PLXNA4: variants seen among roughly 807,000 people sequenced by gnomAD.
PLXNA4 encodes the protein plexin A4.
Under a neutral mutation model 191.8 loss-of-function variants are expected in PLXNA4, and 44 were observed. The ratio of observed to expected loss-of-function variants is 0.23; its 90% CI spans 0.18 to 0.29. The LOEUF (loss-of-function observed/expected upper bound fraction) is 0.29, where lower values mean the gene tolerates loss of function less well. PLXNA4 is among the 10% of genes least tolerant of loss of function. The pLI, the probability that PLXNA4 is intolerant of heterozygous loss-of-function variation, is 1.00. For missense variants in PLXNA4, 1,800 were observed against 2,488.8 expected (o/e 0.72, Z 5.89); for synonymous variants, 1,082 against 1,009.5 (o/e 1.07, Z -1.36).
At chr7:132,398,063 A>G (rs1426498246) in intron 3 of PLXNA4, among the ~76,000 whole-genome samples, 4 of 152,118 alleles carry the variant, frequency 2.6e-5, no homozygotes, top group African/African-American at 7.2e-5. Flanking sequence ...GTAGAAAGCA[A>G]AGGCACCAAA....
chr7:132,626,918 TC>T (rs1803388297), intron 2 of PLXNA4, among the ~76,000 whole-genome samples: 1 of 152,172 alleles, frequency 6.6e-6, no homozygotes, highest in African/African-American at 2.4e-5. Context: ...TCTGTCCGTT[TC>T]CTTTCACAGA....
At chr7:132,261,199 C>T (rs1391464980) in intron 4 of PLXNA4, among the ~76,000 whole-genome samples, 1 of 152,208 alleles carries the variant, frequency 6.6e-6, no homozygotes, top group Non-Finnish European at 1.5e-5. Context: ...AGAACTGCCA[C>T]CAGTACTGGG....
rs1028136001 is a variant in PLXNA4 at position 132,146,527 on chromosome 7, G to A, written c.5038C>T (p.Arg1680Ter). 1.2e-6 allele frequency: 2 copies of A among 1,614,086 alleles called. No individual in the cohort carries two copies. The highest frequency in any genetic ancestry group is 2.2e-5 in the East Asian group (1 of 44,870). The change falls in exon 28 of 32, where the codon CGA becomes TGA. Residue 1680 changes from arginine (R) to a stop codon, truncating the protein, a stop_gained. Transcript: ENST00000321063. LOFTEE classifies it high-confidence loss of function. ...TCTGATACCTTAGTGGCCAGGAGTC[G>A]GGTCAGGTAGATTTCAGACACCATC... is the stretch of plus-strand genomic sequence containing the variant. ...SKMVSEIYLTRLLATKGTLQK... is the reference protein window; with the variant it reads ...SKMVSEIYLT
chr7:132,123,742 G>C lies in PLXNA4; in HGVS notation c.*6737C>G, dbSNP rs1225266336. The C allele has an allele frequency of 6.6e-6, 1 of 152,100 alleles. No individual in the cohort carries two copies. Among genetic ancestry groups the C allele is most frequent in the Non-Finnish European group, 1.5e-5 (1 of 68,036 alleles). The allele number at this position is 152,100 out of a possible 1,614,324, so 9.4% of individuals were successfully genotyped here. ...ACAGAAGTGGGATGGGGCTGGAAGG[G>C]GGTGACTGGAACAGAGATAACCTGC... On this transcript the variant is annotated 3_prime_UTR_variant, in exon 32 of 32. Coordinates refer to ENST00000321063, the MANE Select transcript of PLXNA4 (RefSeq NM_020911.2).
chr7:132,642,736 A>G (rs1803767788), intron 2 of PLXNA4, among the ~76,000 whole-genome samples: 2 of 152,200 alleles, frequency 1.3e-5, no homozygotes, highest in South Asian at 4.1e-4. Context: ...TCAACGTTTC[A>G]TCCATAAGGG....
chr7:132,189,003 A>G (rs201853497), intron 14 of PLXNA4, among the ~76,000 whole-genome samples: 441 of 33,002 alleles, frequency 0.013, 10 homozygotes, highest in Non-Finnish European at 0.015. Flanking sequence ...GGAGAGAGAG[A>G]GAGAGAGAGA....
chr7:132,166,550 T>C (rs763459681), intron 22 of PLXNA4, among the ~76,000 whole-genome samples: 4 of 151,658 alleles, frequency 2.6e-5, no homozygotes, highest in Admixed American at 6.6e-5. Flanking sequence ...AAAATGCTAA[T>C]AACTAAAATC....
chr7:132,168,699 A>G, intron 21 of PLXNA4, 127 bp from the exon 22 acceptor site: 2 of 1,338,464 alleles, frequency 1.5e-6, no homozygotes, highest in South Asian at 1.7e-5. Context: ...CCACCTGGCT[A>G]ATGCTGTCAA....
intron 3 of PLXNA4, among the ~76,000 whole-genome samples, chr7:132,434,654 G>A (rs559585142): frequency 5.5e-4 from 84 of 152,258 alleles, no homozygotes; most frequent in African/African-American, 1.8e-3. Context: ...GGGATGAAAC[G>A]TAGTCAGATG....
intron 4 of PLXNA4, among the ~76,000 whole-genome samples, chr7:132,295,199 A>C (rs1434643060): frequency 6.6e-6 from 1 of 152,140 alleles, no homozygotes; most frequent in Non-Finnish European, 1.5e-5. Flanking sequence ...AAAAATTAAG[A>C]GGGGCCTATT....
chr7:132,637,638 G>A (rs1803634345), intron 2 of PLXNA4, among the ~76,000 whole-genome samples: 2 of 152,234 alleles, frequency 1.3e-5, no homozygotes, highest in Admixed American at 1.3e-4. Context: ...ACCCTTGGCA[G>A]CCTTAGCATT....
intron 27 of PLXNA4, 126 bp downstream of exon 27, chr7:132,147,774 A>G (rs1795479003): frequency 1.1e-5 from 14 of 1,295,984 alleles, no homozygotes; most frequent in Non-Finnish European, 1.5e-5. Context: ...CTCTTCCCCG[A>G]TGGTCAGCCT....
chr7:132,611,777 C>G (rs1337478156), intron 2 of PLXNA4, among the ~76,000 whole-genome samples: 1 of 152,220 alleles, frequency 6.6e-6, no homozygotes, highest in Non-Finnish European at 1.5e-5. Flanking sequence ...GACCTTCAGC[C>G]TTCTCTGTGA....
At chr7:132,319,615 T>C (rs1489630513) in intron 3 of PLXNA4, among the ~76,000 whole-genome samples, 2 of 152,260 alleles carry the variant, frequency 1.3e-5, no homozygotes, top group Non-Finnish European at 2.9e-5. Context: ...TCCTCTACCA[T>C]GAAGTTTTGG....
chr7:132,140,584 T>G lies in PLXNA4; in HGVS notation c.5438+15A>C, dbSNP rs1323340791. The G allele has an allele frequency of 6.2e-7, 1 of 1,611,266 alleles. No individual in the cohort carries two copies. The highest frequency in any genetic ancestry group is 8.5e-7 in the Non-Finnish European group (1 of 1,178,788). On this transcript the variant is annotated intron_variant, in intron 30 of 31. Coordinates refer to ENST00000321063, the MANE Select transcript of PLXNA4 (RefSeq NM_020911.2). The stretch of plus-strand genomic sequence containing the variant: ...AGCAAGGGGCCCTGACTTGGCTCCG[T>G]GGCCCAGCACTCACCTCTCCACCCA...
At chr7:132,140,531 A>G (rs975056963) in intron 30 of PLXNA4, 68 bp downstream of exon 30, 3 of 1,578,258 alleles carry the variant, frequency 1.9e-6, no homozygotes, top group Non-Finnish European at 1.7e-6. Flanking sequence ...TGGGGAGGGG[A>G]CCTTTTGTTG....
chr7:132,241,807 G>A (rs1798888951), intron 4 of PLXNA4, among the ~76,000 whole-genome samples: 1 of 135,604 alleles, frequency 7.4e-6, no homozygotes, highest in South Asian at 2.9e-4. Context: ...AAGAGCATCT[G>A]CTGCTATTTC....
chr7:132,379,891 G>C (rs1804817356), intron 3 of PLXNA4, among the ~76,000 whole-genome samples: 1 of 152,134 alleles, frequency 6.6e-6, no homozygotes, highest in South Asian at 2.1e-4. Context: ...TTGCAGTAGG[G>C]ACCAGTTATT....
At chr7:132,151,589 A>AGAAAGGAGGAGGAGGAGG in intron 25 of PLXNA4, among the ~76,000 whole-genome samples, 1 of 33,538 alleles carries the variant, frequency 3.0e-5, no homozygotes, top group African/African-American at 6.5e-5. Context: ...GGAGGAGGAG[A>AGAAAGGAGGAGGAGGAGG]AAGGAGGAGA....
Sources: gnomAD v4.1 joint callset for allele counts (sites outside exome capture counted in the v4.1 genomes callset) on GRCh38, gnomAD v4.1.1 for gene constraint, MANE v1.5 for transcripts, NCBI Gene and HGNC (gene_info 2026-07-23, HGNC 2026-07-21) for gene names.